Variants in ADAM23 observed in about 807,000 individuals in gnomAD.
The protein encoded by ADAM23 is disintegrin and metalloproteinase domain-containing protein 23.
In ADAM23, 33 loss-of-function variants were observed where a neutral mutation model predicts 120.1. The ratio of observed to expected loss-of-function variants is 0.27; its 90% CI spans 0.21 to 0.37. The LOEUF (loss-of-function observed/expected upper bound fraction) is 0.37. Among genes scored for constraint, ADAM23 ranks in the 10% least tolerant of loss-of-function variants. The pLI is 1.00. For synonymous variants in ADAM23, 367 were observed against 375.2 expected, an observed-to-expected ratio of 0.98 and a Z score of 0.25; for missense variants, 862 against 1,058.2, an observed-to-expected ratio of 0.81 and a Z score of 2.57.
At chr2:206,531,040 A>C (rs1292501354) in intron 4 of ADAM23, 92 bp downstream of exon 4, 1 of 910,056 alleles carries the variant, frequency 1.1e-6, no homozygotes, top group Non-Finnish European at 1.6e-6. Context: ...CGTCTGTCTC[A>C]GTAAAATCAC....
At chr2:206,462,447 G>A (rs1370265442) in intron 2 of ADAM23, among the ~76,000 whole-genome samples, 1 of 152,142 alleles carries the variant, frequency 6.6e-6, no homozygotes, top group African/African-American at 2.4e-5. Context: ...GCTCTGAAAG[G>A]CAAAGACTGT....
chr2:206,477,091 T>C (rs1274754784), intron 2 of ADAM23, among the ~76,000 whole-genome samples: 2 of 152,188 alleles, frequency 1.3e-5, no homozygotes, highest in Non-Finnish European at 2.9e-5. Context: ...ATAGTATCTA[T>C]TGAGCCTATT....
At chr2:206,497,019 C>A (rs1559234406) in intron 3 of ADAM23, among the ~76,000 whole-genome samples, 1 of 151,998 alleles carries the variant, frequency 6.6e-6, no homozygotes, top group Non-Finnish European at 1.5e-5. Context: ...AATAGCTTAC[C>A]AACCAAAAAA....
chr2:206,555,732 T>C (rs1697629790), intron 9 of ADAM23, among the ~76,000 whole-genome samples: 1 of 152,184 alleles, frequency 6.6e-6, no homozygotes, highest in Non-Finnish European at 1.5e-5. Context: ...AAATAACAAA[T>C]TAATACTCAG....
chr2:206,540,269 A>ACC (rs1236030603), intron 4 of ADAM23, among the ~76,000 whole-genome samples: 1 of 142,336 alleles, frequency 7.0e-6, no homozygotes, highest in Non-Finnish European at 1.5e-5. Flanking sequence ...ACACACACAC[A>ACC]GTTGTCCTTG....
chr2:206,557,927 T>A (rs992615317), intron 10 of ADAM23, among the ~76,000 whole-genome samples: 5 of 152,188 alleles, frequency 3.3e-5, no homozygotes, highest in Non-Finnish European at 5.9e-5. Flanking sequence ...CCAAAAAAAA[T>A]TTTTTTAAGG....
intron 13 of ADAM23, among the ~76,000 whole-genome samples, chr2:206,562,579 A>G (rs1383481501): frequency 6.6e-6 from 1 of 152,182 alleles, no homozygotes; most frequent in Non-Finnish European, 1.5e-5. Flanking sequence ...GAATACTCTC[A>G]CACTCAGGGT....
chr2:206,527,383 G>A (rs1008427391), intron 3 of ADAM23, among the ~76,000 whole-genome samples: 3 of 152,126 alleles, frequency 2.0e-5, no homozygotes, highest in African/African-American at 7.2e-5. Flanking sequence ...TTCCTGGCTG[G>A]GTGGGGCTGG....
intron 3 of ADAM23, among the ~76,000 whole-genome samples, chr2:206,508,230 C>CAT (rs1696538442): frequency 6.6e-6 from 1 of 152,090 alleles, no homozygotes; most frequent in Non-Finnish European, 1.5e-5. Context: ...GGGGTTTCAC[C>CAT]GTGTTAGCCA....
chr2:206,552,382 A>C (rs1697545981), intron 9 of ADAM23, among the ~76,000 whole-genome samples: 1 of 152,212 alleles, frequency 6.6e-6, no homozygotes, highest in Non-Finnish European at 1.5e-5. Flanking sequence ...AACAGTTACT[A>C]CTAAGTGTTA....
At chr2:206,518,943 AATAGTCCT>A (rs1468663447) in intron 3 of ADAM23, among the ~76,000 whole-genome samples, 6 of 152,204 alleles carry the variant, frequency 3.9e-5, no homozygotes, top group Non-Finnish European at 8.8e-5. Context: ...CGTGTGTGTT[AATAGTCCT>A]CAACTTCCAG....
rs182522210 is a variant in ADAM23 at position 206,611,222 on chromosome 2, C to A, written c.2450+1222C>A. Among the ~76,000 whole-genome samples, 65 of 152,074 alleles carry A rather than the reference C, an allele frequency of 4.3e-4. No homozygotes were observed. The East Asian group carries it at 0.012, about 28-fold the overall frequency. ...CTTGAAATAGTATTATAAAATTATA[C>A]GTCTTTTCTCTCGGTATATTTGTAG... is the stretch of plus-strand genomic sequence containing the variant. On this transcript the variant is annotated intron_variant, in intron 25 of 25. Coordinates refer to ENST00000264377, the MANE Select transcript of ADAM23 (RefSeq NM_003812.4).
At chr2:206,484,743 T>A (rs1336270649) in intron 3 of ADAM23, among the ~76,000 whole-genome samples, 1 of 152,130 alleles carries the variant, frequency 6.6e-6, no homozygotes, top group African/African-American at 2.4e-5. Context: ...TTGATATGGT[T>A]TGGCTGTGTC....
intron 3 of ADAM23, among the ~76,000 whole-genome samples, chr2:206,521,471 G>A (rs186215294): frequency 8.6e-5 from 13 of 152,010 alleles, no homozygotes; most frequent in African/African-American, 1.4e-4. Context: ...TTGTGGTTTC[G>A]TCTTAAAATG....
At chr2:206,560,946 C>T (rs946393682) in intron 11 of ADAM23, among the ~76,000 whole-genome samples, 182 bp from the exon 12 acceptor site, 14 of 152,106 alleles carry the variant, frequency 9.2e-5, no homozygotes, top group African/African-American at 1.7e-4. Context: ...ATTGAAATTA[C>T]GTAACATAAC....
chr2:206,606,582 G>A (rs1195622797), intron 24 of ADAM23: 2 of 152,152 alleles, frequency 1.3e-5, no homozygotes. Context: ...CTTAAAAGTA[G>A]CCAGGGTGTA....
At chr2:206,456,589 A>G (rs1695306249) in intron 2 of ADAM23, among the ~76,000 whole-genome samples, 1 of 152,170 alleles carries the variant, frequency 6.6e-6, no homozygotes, top group Non-Finnish European at 1.5e-5. Flanking sequence ...ACCTTGGACC[A>G]GTGACTATGT....
intron 22 of ADAM23, among the ~76,000 whole-genome samples, chr2:206,593,412 G>A (rs546815838): frequency 2.0e-5 from 3 of 152,156 alleles, no homozygotes; most frequent in Non-Finnish European, 4.4e-5. Context: ...TGCCTTCAGC[G>A]TCTGCAAACT....
chr2:206,504,001 T>C (rs1358622190), intron 3 of ADAM23, among the ~76,000 whole-genome samples: 1 of 152,188 alleles, frequency 6.6e-6, no homozygotes, highest in African/African-American at 2.4e-5. Flanking sequence ...TACAGGCTTC[T>C]GGGAATGGAG....
Sources: allele counts gnomAD v4.1 joint callset (sites outside exome capture counted in the v4.1 genomes callset), GRCh38; gene constraint gnomAD v4.1.1; transcripts MANE v1.5; gene names NCBI Gene and HGNC (gene_info 2026-07-23, HGNC 2026-07-21).